Variants in DPP6 observed in about 807,000 individuals in gnomAD.
DPP6 encodes the protein A-type potassium channel modulatory protein DPP6.
A neutral mutation model predicts 122.6 loss-of-function variants in DPP6; 69 were observed. That is an observed-to-expected ratio of 0.56 (90% CI 0.46 to 0.69). The LOEUF (loss-of-function observed/expected upper bound fraction) is 0.69. Among genes scored for constraint, DPP6 ranks in the 30% least tolerant of loss-of-function variants. The pLI is 0.00. For missense variants in DPP6, 928 were observed against 1,116.9 expected (o/e 0.83, Z 2.41); for synonymous variants, 418 against 433.1 (o/e 0.97, Z 0.43).
intron 3 of DPP6, among the ~76,000 whole-genome samples, chr7:154,501,593 G>T (rs2151412936): frequency 6.6e-6 from 1 of 152,296 alleles, no homozygotes; most frequent in South Asian, 2.1e-4. Flanking sequence ...ATGGTATTGA[G>T]CCTGTGGGTG....
At chr7:154,712,746 G>T (rs141497647) in intron 7 of DPP6, among the ~76,000 whole-genome samples, 1 of 152,242 alleles carries the variant, frequency 6.6e-6, no homozygotes, top group African/African-American at 2.4e-5. Flanking sequence ...TACCTGGTCC[G>T]TCTGAAGACA....
chr7:153,987,855 C>A (rs535826811), intron 1 of DPP6, among the ~76,000 whole-genome samples: 1 of 152,270 alleles, frequency 6.6e-6, no homozygotes, highest in Admixed American at 6.5e-5. Context: ...GGGCCTTCGT[C>A]TGGGAAACTG....
chr7:154,856,065 A>G (rs1349900906), intron 17 of DPP6, among the ~76,000 whole-genome samples: 2 of 152,214 alleles, frequency 1.3e-5, no homozygotes, highest in African/African-American at 4.8e-5. Context: ...GACTCTATGC[A>G]CTATTTGTGC....
intron 1 of DPP6, among the ~76,000 whole-genome samples, chr7:154,436,166 G>A (rs1273768202): frequency 2.0e-5 from 3 of 151,362 alleles, no homozygotes; most frequent in Non-Finnish European, 4.4e-5. Context: ...TAAAAGGCAA[G>A]ACCAGTGGCA....
intron 1 of DPP6, among the ~76,000 whole-genome samples, chr7:154,431,489 TTCTTTTC>T (rs1358721838): frequency 2.3e-5 from 1 of 44,350 alleles, no homozygotes; most frequent in African/African-American, 5.7e-5. Context: ...TTCTTTTCTT[TTCTTTTC>T]TTTTCTTTTC....
At chr7:154,772,802 A>T (rs748949902) in intron 9 of DPP6, 43 bp from the exon 10 acceptor site, 1 of 1,590,726 alleles carries the variant, frequency 6.3e-7, no homozygotes, top group Non-Finnish European at 8.6e-7. Flanking sequence ...TCACTCTTGT[A>T]TAAGGCTGCT....
intron 1 of DPP6, among the ~76,000 whole-genome samples, chr7:154,171,091 AGGTAAGCTTCCACCC>A (rs1388979185): frequency 2.0e-5 from 3 of 152,208 alleles, no homozygotes; most frequent in African/African-American, 7.2e-5. Flanking sequence ...CTGAGTTTGT[AGGTAAGCTTCCACCC>A]AAAATATTGT....
intron 10 of DPP6, among the ~76,000 whole-genome samples, chr7:154,784,524 A>T (rs1797222486): frequency 6.6e-6 from 1 of 152,224 alleles, no homozygotes; most frequent in Non-Finnish European, 1.5e-5. Flanking sequence ...CAGGAAAAAA[A>T]TGTACACTCA....
intron 6 of DPP6, among the ~76,000 whole-genome samples, chr7:154,664,367 C>T (rs1838007147): frequency 6.6e-6 from 1 of 152,206 alleles, no homozygotes; most frequent in Non-Finnish European, 1.5e-5. Context: ...AAGTTAATCC[C>T]CTGCTGTTTC....
intron 1 of DPP6, among the ~76,000 whole-genome samples, chr7:154,326,938 A>G (rs1288588418): frequency 6.6e-6 from 1 of 152,180 alleles, no homozygotes; most frequent in Non-Finnish European, 1.5e-5. Context: ...AATAGTATTC[A>G]CTGGGTCGCT....
chr7:154,379,416 G>T (rs1813403387), intron 1 of DPP6, among the ~76,000 whole-genome samples: 1 of 152,222 alleles, frequency 6.6e-6, no homozygotes, highest in Non-Finnish European at 1.5e-5. Context: ...TAAATGATGA[G>T]TTGATGGGTG....
At chr7:154,201,111 A>G (rs1799148767) in intron 1 of DPP6, among the ~76,000 whole-genome samples, 1 of 151,958 alleles carries the variant, frequency 6.6e-6, no homozygotes, top group Non-Finnish European at 1.5e-5. Context: ...GGTGGTGGGG[A>G]AAGGATTGCC....
At chr7:154,478,335 A>G (rs984895272) in intron 3 of DPP6, among the ~76,000 whole-genome samples, 2 of 152,128 alleles carry the variant, frequency 1.3e-5, no homozygotes, top group Admixed American at 6.6e-5. Flanking sequence ...AAAAGCGGTG[A>G]GCGATTTGTT....
chr7:154,627,189 C>CTTTTTTTTT (rs61163075), intron 5 of DPP6, among the ~76,000 whole-genome samples: 1 of 103,448 alleles, frequency 9.7e-6, no homozygotes, highest in African/African-American at 3.8e-5. Context: ...ATTTTTTTTC[C>CTTTTTTTTT]TTTTTTTTTT....
chr7:154,375,374 G>A (rs570266983), intron 1 of DPP6, among the ~76,000 whole-genome samples: 92 of 152,064 alleles, frequency 6.1e-4, no homozygotes, highest in Non-Finnish European at 8.4e-4. Context: ...GGCAGGACCC[G>A]GAAAGGCACC....
chr7:153,927,575 C>A (rs1800959343), intron 1 of DPP6, among the ~76,000 whole-genome samples: 1 of 152,086 alleles, frequency 6.6e-6, no homozygotes, highest in South Asian at 2.1e-4. Context: ...GAAGATATGG[C>A]CAACTAAATT....
chr7:154,008,078 CTAAA>C (rs1365527241), intron 1 of DPP6, among the ~76,000 whole-genome samples: 2 of 152,144 alleles, frequency 1.3e-5, no homozygotes, highest in African/African-American at 4.8e-5. Flanking sequence ...GGCAATGAAT[CTAAA>C]TAGTGAAAAT....
At chr7:154,750,874 G>A (rs529397004) in intron 8 of DPP6, among the ~76,000 whole-genome samples, 1 of 152,286 alleles carries the variant, frequency 6.6e-6, no homozygotes, top group African/African-American at 2.4e-5. Context: ...GCAGGTGTAA[G>A]GAGAAGGACG....
At chr7:154,017,365 C>T (rs1164472492) in intron 1 of DPP6, among the ~76,000 whole-genome samples, 2 of 152,154 alleles carry the variant, frequency 1.3e-5, no homozygotes, top group African/African-American at 4.8e-5. Context: ...ACAGACTGAG[C>T]CACCGTGCCC....
Sources: allele counts gnomAD v4.1 joint callset (sites outside exome capture counted in the v4.1 genomes callset), GRCh38; gene constraint gnomAD v4.1.1; transcripts MANE v1.5; gene names NCBI Gene and HGNC (gene_info 2026-07-23, HGNC 2026-07-21).